TPTE2: variants seen among roughly 807,000 people sequenced by gnomAD.
TPTE2 encodes phosphatidylinositol 3,4,5-trisphosphate 3-phosphatase TPTE2.
TPTE2 carries 53 observed loss-of-function variants against 78.6 expected under a neutral mutation model. The observed-to-expected ratio is 0.67, with a 90% CI of 0.54 to 0.85. The LOEUF (loss-of-function observed/expected upper bound fraction) is 0.85. Among genes scored for constraint, TPTE2 ranks in the 40% least tolerant of loss-of-function variants. The pLI, the probability that TPTE2 is intolerant of heterozygous loss-of-function variation, is 0.00. For synonymous variants in TPTE2, 175 were observed against 206.2 expected, an observed-to-expected ratio of 0.85 and a Z score of 1.30; for missense variants, 461 against 623.0, an observed-to-expected ratio of 0.74 and a Z score of 2.77.
At chr13:19,511,523 A>G (rs1417129540) in intron 1 of TPTE2, among the ~76,000 whole-genome samples, 1 of 152,158 alleles carries the variant, frequency 6.6e-6, no homozygotes, top group Non-Finnish European at 1.5e-5. Flanking sequence ...ACAAGTAGCA[A>G]TGAGCCAATG....
At chr13:19,438,419 T>C in intron 13 of TPTE2, 1 of 985,388 alleles carries the variant, frequency 1.0e-6, no homozygotes, top group Non-Finnish European at 1.2e-6. Flanking sequence ...ACTAAATCTA[T>C]AAGAAAGCAA....
intron 15 of TPTE2, among the ~76,000 whole-genome samples, chr13:19,434,878 C>A (rs1230075764): frequency 6.6e-6 from 1 of 152,196 alleles, no homozygotes; most frequent in Non-Finnish European, 1.5e-5. Context: ...AGACTGACAT[C>A]TAGATTTCAG....
At chr13:19,550,002 G>A in the TPTE2 span, among the ~76,000 whole-genome samples, 1 of 105,642 alleles carries the variant, frequency 9.5e-6, no homozygotes, top group African/African-American at 2.6e-5. Context: ...GCCTATTCGA[G>A]GGGGGAGGGT....
chr13:19,517,267 T>A (rs1869853432), intron 1 of TPTE2, among the ~76,000 whole-genome samples: 1 of 152,236 alleles, frequency 6.6e-6, no homozygotes, highest in Admixed American at 6.5e-5. Context: ...TTAGCAGTTT[T>A]CTCACTTGTT....
chr13:19,461,321 A>G (rs1389196513), intron 10 of TPTE2, among the ~76,000 whole-genome samples: 1 of 152,096 alleles, frequency 6.6e-6, no homozygotes, highest in Non-Finnish European at 1.5e-5. Flanking sequence ...ACTTGTTCAT[A>G]TTTATGAGGT....
intron 3 of TPTE2, among the ~76,000 whole-genome samples, chr13:19,490,385 T>G (rs1452584153): frequency 6.6e-6 from 1 of 152,174 alleles, no homozygotes; most frequent in African/African-American, 2.4e-5. Context: ...CCCTGAAAAA[T>G]GGACATTAAT....
chr13:19,548,053 T>A, the TPTE2 span, among the ~76,000 whole-genome samples: 1 of 152,140 alleles, frequency 6.6e-6, no homozygotes, highest in South Asian at 2.1e-4. Context: ...AAATTCTATA[T>A]GATGCACAAT....
intron 4 of TPTE2, among the ~76,000 whole-genome samples, chr13:19,478,712 T>C (rs1333381528): frequency 1.3e-5 from 2 of 152,122 alleles, no homozygotes. Flanking sequence ...CATGCACATG[T>C]ATGTTTATTG....
intron 10 of TPTE2, among the ~76,000 whole-genome samples, chr13:19,457,220 A>G (rs1210856957): frequency 6.6e-6 from 1 of 152,216 alleles, no homozygotes; most frequent in East Asian, 1.9e-4. Flanking sequence ...ATGCATATAT[A>G]CTCAGGTATA....
intron 10 of TPTE2, among the ~76,000 whole-genome samples, chr13:19,462,575 C>T (rs1198803840): frequency 4.1e-5 from 6 of 147,980 alleles, no homozygotes; most frequent in African/African-American, 1.2e-4. Flanking sequence ...TACAATCTTG[C>T]TCTGTCACCC....
chr13:19,500,518 T>C (rs1401599313), intron 1 of TPTE2, among the ~76,000 whole-genome samples: 3 of 151,748 alleles, frequency 2.0e-5, no homozygotes, highest in Admixed American at 2.0e-4. Context: ...ATAAATGTCA[T>C]CCAGCATATA....
intron 13 of TPTE2, among the ~76,000 whole-genome samples, chr13:19,445,423 G>C (rs1265156891): frequency 2.6e-5 from 4 of 151,472 alleles, no homozygotes; most frequent in Admixed American, 2.0e-4. Flanking sequence ...CACCCAAAAG[G>C]CTAAAGATAA....
At chr13:19,521,946 C>G (rs915434094) in intron 1 of TPTE2, among the ~76,000 whole-genome samples, 12 of 152,202 alleles carry the variant, frequency 7.9e-5, no homozygotes, top group Admixed American at 3.3e-4. Context: ...TGAGTTACTA[C>G]CTAGTATTCT....
intron 17 of TPTE2, among the ~76,000 whole-genome samples, chr13:19,430,099 T>C (rs1250724058): frequency 1.3e-5 from 2 of 152,178 alleles, no homozygotes; most frequent in Admixed American, 1.3e-4. Context: ...ACTTTTAGAA[T>C]CAGTGCTATA....
intron 13 of TPTE2, among the ~76,000 whole-genome samples, chr13:19,439,943 A>T (rs1221080801): frequency 6.6e-6 from 1 of 152,212 alleles, no homozygotes; most frequent in Non-Finnish European, 1.5e-5. Flanking sequence ...AAAGTCAGAA[A>T]TATGAGATTA....
At chr13:19,474,492 T>C (rs929105189) in intron 5 of TPTE2, among the ~76,000 whole-genome samples, 1 of 152,200 alleles carries the variant, frequency 6.6e-6, no homozygotes, top group African/African-American at 2.4e-5. Flanking sequence ...TCTGGATAAT[T>C]CTAAAGAATT....
intron 15 of TPTE2, among the ~76,000 whole-genome samples, chr13:19,435,213 A>G (rs918070520): frequency 6.6e-6 from 1 of 152,234 alleles, no homozygotes; most frequent in Non-Finnish European, 1.5e-5. Context: ...ATTTTCAAAG[A>G]TTTTAAGACA....
intron 6 of TPTE2, among the ~76,000 whole-genome samples, chr13:19,472,658 C>G (rs1036655462): frequency 2.0e-5 from 3 of 152,142 alleles, no homozygotes; most frequent in Admixed American, 1.3e-4. Context: ...ACAGGATTGG[C>G]TCCTGGTGTC....
chr13:19,475,196 T>C (rs1879859774), intron 5 of TPTE2, among the ~76,000 whole-genome samples: 1 of 152,120 alleles, frequency 6.6e-6, no homozygotes, highest in Non-Finnish European at 1.5e-5. Flanking sequence ...TATATATGTA[T>C]GTATAGATGC....
Sources: gnomAD v4.1 joint callset for allele counts (sites outside exome capture counted in the v4.1 genomes callset) on GRCh38, gnomAD v4.1.1 for gene constraint, MANE v1.5 for transcripts, NCBI Gene and HGNC (gene_info 2026-07-23, HGNC 2026-07-21) for gene names.